Variants in PLD5 observed in about 807,000 individuals in gnomAD.
The protein encoded by PLD5 is inactive phospholipase D5.
Under a neutral mutation model 61.1 loss-of-function variants are expected in PLD5, and 36 were observed. The ratio of observed to expected loss-of-function variants is 0.59; its 90% confidence interval spans 0.45 to 0.78. The LOEUF (loss-of-function observed/expected upper bound fraction) is 0.78, where lower values mean the gene tolerates loss of function less well. Among genes scored for constraint, PLD5 ranks in the 30% least tolerant of loss-of-function variants. The pLI is 0.00. For missense variants in PLD5, 515 were observed against 644.4 expected (o/e 0.80, Z 2.17); for synonymous variants, 243 against 242.8 (o/e 1.00, Z -0.01).
At chr1:242,399,803 G>A (rs1167967759) in intron 1 of PLD5, among the ~76,000 whole-genome samples, 1 of 152,180 alleles carries the variant, frequency 6.6e-6, no homozygotes. Context: ...AGCAGCAGCA[G>A]CATTACATTA....
chr1:242,376,951 AT>A, intron 1 of PLD5: 1 of 1,609,552 alleles, frequency 6.2e-7, no homozygotes, highest in Non-Finnish European at 8.5e-7. Flanking sequence ...ATCCTTTTGG[AT>A]TTGATGAAGG....
chr1:242,144,856 T>C (rs1458730617), intron 5 of PLD5, among the ~76,000 whole-genome samples: 1 of 151,972 alleles, frequency 6.6e-6, no homozygotes, highest in East Asian at 1.9e-4. Context: ...GTGGCTTGAG[T>C]GAACAATGGA....
In PLD5 at chr1:242,290,786, C is replaced by T. The variant is rs372315090; in HGVS notation, c.327-2256G>A. Reference sequence around the variant, plus strand: ...TGAGGACACAGATTTTCTTGCAAAACCAACATATTGTCTCTTAATTGGGCT... The same window carrying T: ...TGAGGACACAGATTTTCTTGCAAAATCAACATATTGTCTCTTAATTGGGCT... On this transcript the variant is annotated intron_variant, in intron 2 of 9. Transcript: ENST00000536534. Among the ~76,000 whole-genome samples, 1,284 of 151,088 alleles carry T rather than the reference C, an allele frequency of 8.5e-3. 27 individuals are homozygous for T. The highest frequency in any genetic ancestry group is 0.03 in the African/African-American group (1,221 of 41,126).
At chr1:242,224,335 A>T (rs1670792383) in intron 4 of PLD5, among the ~76,000 whole-genome samples, 1 of 152,232 alleles carries the variant, frequency 6.6e-6, no homozygotes, top group African/African-American at 2.4e-5. Flanking sequence ...TCTACTTCTA[A>T]AATAATTTTA....
intron 5 of PLD5, among the ~76,000 whole-genome samples, chr1:242,212,449 A>T (rs1057108134): frequency 6.6e-6 from 1 of 152,264 alleles, no homozygotes; most frequent in Non-Finnish European, 1.5e-5. Flanking sequence ...GCTCAGCAGC[A>T]GGGAGGCTTG....
intron 9 of PLD5, among the ~76,000 whole-genome samples, chr1:242,099,517 G>A (rs139651552): frequency 0.014 from 2,153 of 152,316 alleles, 31 homozygotes; most frequent in South Asian, 0.036. Flanking sequence ...CTGGGAGTTA[G>A]TGACTACCCA....
intron 1 of PLD5, among the ~76,000 whole-genome samples, chr1:242,451,951 C>A (rs1666795694): frequency 6.6e-6 from 1 of 152,174 alleles, no homozygotes; most frequent in Non-Finnish European, 1.5e-5. Flanking sequence ...TACCTCCAGG[C>A]CTTTGCACAC....
chr1:242,410,112 G>A (rs1303084103), intron 1 of PLD5, among the ~76,000 whole-genome samples: 1 of 152,156 alleles, frequency 6.6e-6, no homozygotes, highest in African/African-American at 2.4e-5. Flanking sequence ...GCTGTTAGGG[G>A]GTTTTGGGCG....
intron 1 of PLD5, among the ~76,000 whole-genome samples, chr1:242,403,605 C>G (rs1664061958): frequency 6.6e-6 from 1 of 152,072 alleles, no homozygotes. Context: ...GCTGGGATTA[C>G]AGGCATCCAT....
At chr1:242,349,767 T>C (rs1404466126) in intron 1 of PLD5, among the ~76,000 whole-genome samples, 2 of 152,184 alleles carry the variant, frequency 1.3e-5, no homozygotes, top group Non-Finnish European at 2.9e-5. Flanking sequence ...TCTGAATATT[T>C]GTGTACACCC....
intron 2 of PLD5, among the ~76,000 whole-genome samples, chr1:242,333,372 T>C (rs1352012767): frequency 1.3e-5 from 2 of 152,138 alleles, no homozygotes; most frequent in African/African-American, 2.4e-5. Flanking sequence ...TTTTTTTCTT[T>C]TTTTGAGGAG....
At chr1:242,117,528 C>T (rs1427513363) in intron 6 of PLD5, among the ~76,000 whole-genome samples, 2 of 152,116 alleles carry the variant, frequency 1.3e-5, no homozygotes, top group African/African-American at 4.8e-5. Flanking sequence ...ATTATAGGTG[C>T]CCGCCACTAC....
At chr1:242,357,280 G>A (rs1660803970) in intron 1 of PLD5, among the ~76,000 whole-genome samples, 1 of 151,022 alleles carries the variant, frequency 6.6e-6, no homozygotes, top group African/African-American at 2.4e-5. Context: ...AGTTTCTGCT[G>A]AGAAGTCTAC....
At chr1:242,419,356 T>C (rs1665000690) in intron 1 of PLD5, among the ~76,000 whole-genome samples, 2 of 151,452 alleles carry the variant, frequency 1.3e-5, no homozygotes, top group South Asian at 2.1e-4. Context: ...AGCCATCTTA[T>C]AGTGCAAGCT....
At chr1:242,188,263 A>G (rs941349657) in intron 5 of PLD5, among the ~76,000 whole-genome samples, 1 of 152,204 alleles carries the variant, frequency 6.6e-6, no homozygotes, top group Admixed American at 6.5e-5. Flanking sequence ...AACAGAGTCA[A>G]CTAACATCAA....
In PLD5 at chr1:242,084,760, T is replaced by G. The variant is rs1033261625; in HGVS notation, c.*5094A>C. The G allele has an allele frequency of 1.4e-5, 2 of 146,010 alleles. No homozygotes were observed. The highest frequency in any genetic ancestry group is 3.0e-5 in the Non-Finnish European group (2 of 66,414). The allele number at this position is 146,010 out of a possible 1,614,324, so 9.0% of individuals were successfully genotyped here. On this transcript the variant is annotated 3_prime_UTR_variant, in exon 10 of 10. Coordinates refer to ENST00000536534, the MANE Select transcript of PLD5 (RefSeq NM_001372062.1). ...ACATTTATTGGAAAGGTTTTTTTTT[T>G]TTTTTTTTTTTTTTTTTTAGAGAAA...
intron 1 of PLD5, among the ~76,000 whole-genome samples, chr1:242,389,929 G>A (rs928858440): frequency 6.6e-6 from 1 of 151,902 alleles, no homozygotes; most frequent in African/African-American, 2.4e-5. Flanking sequence ...GTGTTCTGCA[G>A]GAAATTCTTA....
chr1:242,110,810 A>T (rs567453516), intron 7 of PLD5, among the ~76,000 whole-genome samples: 13 of 150,348 alleles, frequency 8.6e-5, no homozygotes, highest in South Asian at 2.2e-4. Flanking sequence ...ACTCTGTCTC[A>T]CACACACACA....
At chr1:242,121,422 G>A (rs1662350405) in intron 6 of PLD5, among the ~76,000 whole-genome samples, 1 of 152,078 alleles carries the variant, frequency 6.6e-6, no homozygotes, top group Admixed American at 6.6e-5. Context: ...GTACCTGTAG[G>A]ATTTTATACC....
Sources: gnomAD v4.1 joint callset for allele counts (sites outside exome capture counted in the v4.1 genomes callset) on GRCh38, gnomAD v4.1.1 for gene constraint, MANE v1.5 for transcripts, NCBI Gene and HGNC (gene_info 2026-07-23, HGNC 2026-07-21) for gene names.